Variants in EZH2 observed in about 807,000 individuals in gnomAD.
EZH2 encodes the protein histone-lysine N-methyltransferase EZH2.
EZH2 carries 18 observed loss-of-function variants against 98.4 expected under a neutral mutation model. The observed-to-expected ratio is 0.18, with a 90% CI of 0.13 to 0.27. The LOEUF (loss-of-function observed/expected upper bound fraction) is 0.27, where lower values mean the gene tolerates loss of function less well. EZH2 is among the 10% of genes least tolerant of loss of function. The probability of loss-of-function intolerance (pLI) is 1.00; values close to 1 mark genes in which losing one functional copy is unlikely to be tolerated. For missense variants in EZH2, 470 were observed against 935.1 expected, an observed-to-expected ratio of 0.50 and a Z score of 6.49; for synonymous variants, 338 against 312.3, an observed-to-expected ratio of 1.08 and a Z score of -0.87.
chr7:148,875,298 T>C (rs148152279), intron 1 of EZH2, among the ~76,000 whole-genome samples: 1 of 152,332 alleles, frequency 6.6e-6, no homozygotes, highest in Non-Finnish European at 1.5e-5. Flanking sequence ...AGTTTTAACT[T>C]GATCTTTATA....
intron 1 of EZH2, among the ~76,000 whole-genome samples, chr7:148,850,045 G>T (rs1268531701): frequency 2.0e-5 from 3 of 152,006 alleles, no homozygotes; most frequent in African/African-American, 7.3e-5. Flanking sequence ...TTGAGATGGA[G>T]TCTCACTCTG....
intron 1 of EZH2, among the ~76,000 whole-genome samples, chr7:148,881,173 T>A (rs548100070): frequency 4.4e-4 from 67 of 152,348 alleles, no homozygotes; most frequent in African/African-American, 1.6e-3. Flanking sequence ...TCATTGCTAA[T>A]TAACCACAGA....
chr7:148,864,509 C>T (rs190355631), intron 1 of EZH2, among the ~76,000 whole-genome samples: 4 of 151,800 alleles, frequency 2.6e-5, no homozygotes, highest in Admixed American at 6.6e-5. Context: ...ATGGTGAAAC[C>T]CTGTCTCTAC....
intron 1 of EZH2, among the ~76,000 whole-genome samples, chr7:148,867,280 C>T (rs1296386820): frequency 1.3e-5 from 2 of 151,994 alleles, no homozygotes; most frequent in South Asian, 2.1e-4. Flanking sequence ...GGGCCGAGAT[C>T]GCACCATTGT....
At chr7:148,864,684 A>C (rs1174497820) in intron 1 of EZH2, among the ~76,000 whole-genome samples, 18 of 83,514 alleles carry the variant, frequency 2.2e-4, no homozygotes, top group Non-Finnish European at 3.7e-4. Flanking sequence ...AGACTGTCTC[A>C]AAAAAAAAAA....
intron 8 of EZH2, among the ~76,000 whole-genome samples, chr7:148,825,077 A>C (rs2129474853): frequency 6.6e-6 from 1 of 152,350 alleles, no homozygotes; most frequent in East Asian, 1.9e-4. Flanking sequence ...ACTTTATTAA[A>C]TGCTACATCT....
chr7:148,817,747 C>G, intron 10 of EZH2, 130 bp downstream of exon 10: 1 of 1,259,284 alleles, frequency 7.9e-7, no homozygotes, highest in Non-Finnish European at 1.1e-6. Flanking sequence ...GCTACACATT[C>G]TTGAGATAAC....
intron 16 of EZH2, among the ~76,000 whole-genome samples, 182 bp downstream of exon 16, chr7:148,811,443 G>A (rs534146266): frequency 2.6e-5 from 4 of 152,208 alleles, no homozygotes; most frequent in Admixed American, 1.3e-4. Flanking sequence ...CGGCCACCGC[G>A]CCCAGCACAA....
rs150842784 is a variant in EZH2, at chr7:148,876,256, C to T, written c.-8+7908G>A. On this transcript the variant is annotated intron_variant, in intron 1 of 19. Transcript: ENST00000320356. The stretch of plus-strand genomic sequence containing the variant: ...GAGCCGAGATCATGCCATTGCACTC[C>T]AGCCTGGGTGACAGAGCAAGACTCC... 1,059 of 151,822 alleles carry T rather than the reference C, an allele frequency of 7.0e-3. 7 individuals carry two copies. The highest frequency in any genetic ancestry group is 0.011 in the Admixed American group (168 of 15,208). The allele number at this position is 151,822 out of a possible 1,614,324, so 9.4% of individuals were successfully genotyped here.
chr7:148,844,177 C>G (rs1813346659), intron 3 of EZH2, among the ~76,000 whole-genome samples: 1 of 152,172 alleles, frequency 6.6e-6, no homozygotes, highest in Non-Finnish European at 1.5e-5. Flanking sequence ...ACCTGACCTA[C>G]TTCAGACTAG....
intron 1 of EZH2, among the ~76,000 whole-genome samples, chr7:148,871,326 G>T (rs1276236417): frequency 6.9e-6 from 1 of 144,810 alleles, no homozygotes; most frequent in Non-Finnish European, 1.5e-5. Flanking sequence ...ATATGATCCA[G>T]CAATCACAAT....
intron 1 of EZH2, among the ~76,000 whole-genome samples, chr7:148,852,494 T>C (rs1404405380): frequency 6.6e-6 from 1 of 152,158 alleles, no homozygotes; most frequent in Non-Finnish European, 1.5e-5. Flanking sequence ...TCCCTAGACA[T>C]AGTGACCAGT....
intron 16 of EZH2, 38 bp downstream of exon 16, chr7:148,811,587 A>G: frequency 6.6e-7 from 1 of 1,521,426 alleles, no homozygotes; most frequent in Non-Finnish European, 9.1e-7. Flanking sequence ...AAGTTAGTAT[A>G]TACAATGCCA....
chr7:148,811,600 T>G, intron 16 of EZH2, 25 bp downstream of exon 16: 1 of 1,575,794 alleles, frequency 6.3e-7, no homozygotes, highest in Non-Finnish European at 8.7e-7. Context: ...CAATGCCACC[T>G]GAATACAGGT....
At chr7:148,869,000 C>T (rs1038722517) in intron 1 of EZH2, among the ~76,000 whole-genome samples, 1 of 151,930 alleles carries the variant, frequency 6.6e-6, no homozygotes, top group Non-Finnish European at 1.5e-5. Flanking sequence ...TTTGAACTTG[C>T]CAATTTAGAT....
At chr7:148,811,898 A>G (rs1023439531) in intron 15 of EZH2, 178 bp from the exon 16 acceptor site, 2 of 579,542 alleles carry the variant, frequency 3.5e-6, no homozygotes, top group African/African-American at 1.9e-5. Context: ...AATGGCTATG[A>G]ACATTATGTT....
In EZH2 at chr7:148,828,759, A is replaced by C. The variant is rs767489605; in HGVS notation, c.606T>G (p.Asp202Glu). ...DPEEREEKQK[D>E]LEDHRDDKES... ...GCATACCATCTCGGTGATCCTCCAG[A>C]TCTTTCTGCTTTTCTTCTCTTTCTT... is the stretch of plus-strand genomic sequence containing the variant. Residue 202 changes from aspartate to glutamate, a missense_variant, in exon 6 of 20, where the codon GAT (aspartate) becomes GAG (glutamate). By Grantham distance (45) the Asp-to-Glu change is conservative. Coordinates refer to ENST00000320356, the MANE Select transcript of EZH2 (RefSeq NM_004456.5). The C allele has an allele frequency of 6.2e-7, 1 of 1,613,520 alleles. No homozygotes were observed. The highest frequency in any genetic ancestry group is 1.7e-4 in the Middle Eastern group (1 of 6,056).
At chr7:148,848,813 G>A (rs1442327210) in intron 1 of EZH2, among the ~76,000 whole-genome samples, 1 of 152,086 alleles carries the variant, frequency 6.6e-6, no homozygotes, top group Non-Finnish European at 1.5e-5. Context: ...CAGTATCCCT[G>A]GGGAACTGGT....
In EZH2 at chr7:148,807,486, A is replaced by T; in HGVS notation, c.*160T>A. 1 of 640,644 alleles carries T rather than the reference A, an allele frequency of 1.6e-6. No individual in the cohort carries two copies. The highest frequency in any genetic ancestry group is 2.0e-5 in the South Asian group (1 of 49,866). 39.7% of individuals were successfully genotyped at this position (640,644 alleles called of 1,614,324 possible). Reference sequence around the variant, plus strand: ...ACTTTGCAGCTGGTGAGAAGGCAATAAAAAGTTGATTTTTAAACTCATTAC... The same window carrying T: ...ACTTTGCAGCTGGTGAGAAGGCAATTAAAAGTTGATTTTTAAACTCATTAC... On this transcript the variant is annotated 3_prime_UTR_variant, in exon 20 of 20. Coordinates refer to ENST00000320356, the MANE Select transcript of EZH2 (RefSeq NM_004456.5).
Sources: gnomAD v4.1 joint callset for allele counts (sites outside exome capture counted in the v4.1 genomes callset) on GRCh38, gnomAD v4.1.1 for gene constraint, MANE v1.5 for transcripts, NCBI Gene and HGNC (gene_info 2026-07-23, HGNC 2026-07-21) for gene names.